The following C1QB variants were observed in gnomAD, a reference collection of about 807,000 sequenced individuals.
C1QB encodes the protein complement C1q subcomponent subunit B.
In C1QB, 2 loss-of-function variants were observed where a neutral mutation model predicts 4.6. That is an observed-to-expected ratio of 0.43 (90% CI 0.18 to 1.36). The LOEUF (loss-of-function observed/expected upper bound fraction) is 1.36, where lower values mean the gene tolerates loss of function less well. Among genes scored for constraint, C1QB ranks in the 40% most tolerant of loss-of-function variants. C1QB has a pLI of 0.28. For missense variants in C1QB, 292 were observed against 338.0 expected, an observed-to-expected ratio of 0.86 and a Z score of 1.07; for synonymous variants, 132 against 137.1, an observed-to-expected ratio of 0.96 and a Z score of 0.26.
At chr1:22,658,880 C>T (rs1245620022) in intron 1 of C1QB, among the ~76,000 whole-genome samples, 2 of 120,740 alleles carry the variant, frequency 1.7e-5, no homozygotes, top group African/African-American at 3.0e-5. Context: ...GATGGATGGA[C>T]AGCAGGATGG....
Position 22,661,252 on chromosome 1 carries a change from G to A in C1QB, c.622G>A (p.Gly208Ser), listed in dbSNP as rs778636058. Residue 208 changes from glycine (G) to serine (S), a missense_variant, in exon 3 of 3, where the codon GGT becomes AGT. Gly to Ser is a moderately conservative substitution (Grantham distance 56, BLOSUM62 0). Transcript: ENST00000509305. ...YAYNTFQVTTGGMVLKLEQGE... is the reference protein window; with the variant it reads ...YAYNTFQVTTSGMVLKLEQGE... ...CTACAACACCTTCCAGGTCACCACC[G>A]GTGGCATGGTCCTCAAGCTGGAGCA... The A allele has an allele frequency of 1.1e-5, 18 of 1,613,184 alleles. No homozygotes were observed. Among genetic ancestry groups the A allele is most frequent in the Non-Finnish European group, 1.4e-5 (16 of 1,179,376 alleles).
chr1:22,661,161 C>T lies in C1QB; in HGVS notation c.531C>T (p.Asn177=). The T allele has an allele frequency of 1.2e-6, 2 of 1,614,160 alleles. No homozygotes were observed. The highest frequency in any genetic ancestry group is 1.7e-6 in the Non-Finnish European group (2 of 1,180,020). The change falls in exon 3 of 3, where the codon AAC becomes AAT. Residue 177 remains asparagine (N), a synonymous_variant. Transcript: ENST00000509305. ...CCTACCACGCCAGCTCTCGAGGGAA[C>T]CTGTGCGTGAACCTCATGCGTGGCC... ...YFTYHASSRG[N]LCVNLMRGRE... is the part of the protein sequence containing the mutation.
chr1:22,655,128 T>C (rs1414072955), intron 1 of C1QB, among the ~76,000 whole-genome samples: 1 of 152,222 alleles, frequency 6.6e-6, no homozygotes, highest in African/African-American at 2.4e-5. Context: ...GATAATGGCA[T>C]GCAAGCCATC....
chr1:22,655,260 C>T (rs1170648228), intron 1 of C1QB, among the ~76,000 whole-genome samples: 2 of 152,318 alleles, frequency 1.3e-5, no homozygotes, highest in South Asian at 4.1e-4. Context: ...CAGGACCATG[C>T]CCCTGAGCCA....
chr1:22,659,357 T>C, intron 1 of C1QB, 83 bp from the exon 2 acceptor site: 1 of 1,076,710 alleles, frequency 9.3e-7, no homozygotes, highest in Non-Finnish European at 1.4e-6. Context: ...GATGGATGGA[T>C]GGATGGATGG....
chr1:22,659,199 A>G (rs866672822), intron 1 of C1QB, among the ~76,000 whole-genome samples: 74 of 77,692 alleles, frequency 9.5e-4, no homozygotes, highest in African/African-American at 1.3e-3. Context: ...TGGATGCAGG[A>G]ATGGAGGGAT....
At chr1:22,658,729 T>C (rs1333632839) in intron 1 of C1QB, among the ~76,000 whole-genome samples, 2 of 151,062 alleles carry the variant, frequency 1.3e-5, no homozygotes, top group African/African-American at 4.9e-5. Context: ...AATAGAGGGA[T>C]GGATGGATGA....
At chr1:22,660,283 A>C (rs1642601702) in intron 2 of C1QB, among the ~76,000 whole-genome samples, 1 of 152,170 alleles carries the variant, frequency 6.6e-6, no homozygotes, top group Non-Finnish European at 1.5e-5. Flanking sequence ...GTGACACGCA[A>C]AGCACATCTC....
At chr1:22,656,267 A>C (rs1359259517) in intron 1 of C1QB, among the ~76,000 whole-genome samples, 2 of 152,176 alleles carry the variant, frequency 1.3e-5, no homozygotes. Flanking sequence ...CCTGGGTATA[A>C]ACCCCAAAGA....
chr1:22,653,607 T>C (rs908067592), intron 1 of C1QB, among the ~76,000 whole-genome samples: 4 of 152,176 alleles, frequency 2.6e-5, no homozygotes, highest in African/African-American at 9.6e-5. Flanking sequence ...ATTGGTTATC[T>C]TGGGCAAGTC....
At chr1:22,655,106 C>G (rs940555034) in intron 1 of C1QB, among the ~76,000 whole-genome samples, 3 of 152,176 alleles carry the variant, frequency 2.0e-5, no homozygotes, top group Non-Finnish European at 4.4e-5. Context: ...GGCTGAATAT[C>G]AAATTACAGG....
intron 1 of C1QB, among the ~76,000 whole-genome samples, chr1:22,654,863 T>C (rs548139631): frequency 3.1e-4 from 47 of 152,378 alleles, no homozygotes; most frequent in African/African-American, 1.1e-3. Flanking sequence ...TGCCTACCAC[T>C]ACCCTTGGTG....
intron 2 of C1QB, among the ~76,000 whole-genome samples, chr1:22,660,603 G>A (rs1271132199): frequency 1.3e-5 from 2 of 152,062 alleles, no homozygotes; most frequent in East Asian, 1.9e-4. Context: ...CCCTCCCCAC[G>A]ATCAGCAGCC....
chr1:22,658,376 C>T (rs1478794651), intron 1 of C1QB, among the ~76,000 whole-genome samples: 1 of 152,178 alleles, frequency 6.6e-6, no homozygotes, highest in Non-Finnish European at 1.5e-5. Flanking sequence ...TCATCACTTC[C>T]AAGAGTGGCT....
intron 2 of C1QB, among the ~76,000 whole-genome samples, chr1:22,660,013 A>G (rs1486698415): frequency 6.6e-6 from 1 of 152,118 alleles, no homozygotes; most frequent in Non-Finnish European, 1.5e-5. Flanking sequence ...CACCTGTAAG[A>G]TGGGGGCAAT....
intron 1 of C1QB, among the ~76,000 whole-genome samples, chr1:22,655,987 C>CTA (rs757886004): frequency 1.3e-5 from 2 of 152,208 alleles, no homozygotes; most frequent in Non-Finnish European, 2.9e-5. Context: ...ACGGTGCAAA[C>CTA]TATGGATGGA....
In C1QB at chr1:22,659,436, A is replaced by G; in HGVS notation, c.-23-4A>G. On this transcript the variant is annotated splice_polypyrimidine_tract_variant and splice_region_variant and intron_variant, in intron 1 of 2. Coordinates refer to ENST00000509305, the MANE Select transcript of C1QB (RefSeq NM_001378156.1). ...GGTAACCTCTCACATTGTCTTCTCC[A>G]CAGGAGGCGTCTGACACAGTATGAT... is the stretch of plus-strand genomic sequence containing the variant. 6.2e-7 allele frequency: 1 copy of G among 1,613,740 alleles called. No homozygotes were observed. Among genetic ancestry groups the G allele is most frequent in the African/African-American group, 1.3e-5 (1 of 74,914 alleles).
chr1:22,661,583 G>A lies in C1QB; in HGVS notation c.*197G>A. On this transcript the variant is annotated 3_prime_UTR_variant, in exon 3 of 3. Coordinates refer to ENST00000509305, the MANE Select transcript of C1QB (RefSeq NM_001378156.1). ...TGTCCCAGCACCTGGCACACCAGAA[G>A]TGCCATGCTCAGAAATGTTGGTTAC... is the stretch of plus-strand genomic sequence containing the variant. 1 of 636,540 alleles carries A rather than the reference G, an allele frequency of 1.6e-6. No individual in the cohort carries two copies. Among genetic ancestry groups the A allele is most frequent in the South Asian group, 1.8e-5 (1 of 54,526 alleles). 39.4% of individuals were successfully genotyped at this position (636,540 alleles called of 1,614,324 possible). A position where few individuals can be genotyped will look rare whatever the true frequency, so the allele number is the denominator to read the frequency against.
intron 1 of C1QB, among the ~76,000 whole-genome samples, chr1:22,655,872 G>C (rs934321890): frequency 2.0e-5 from 3 of 152,194 alleles, no homozygotes; most frequent in Admixed American, 6.5e-5. Context: ...AGGTTTCCTG[G>C]AGGAAGAAGG....
Sources: gnomAD v4.1 joint callset for allele counts (sites outside exome capture counted in the v4.1 genomes callset) on GRCh38, gnomAD v4.1.1 for gene constraint, MANE v1.5 for transcripts, NCBI Gene and HGNC (gene_info 2026-07-23, HGNC 2026-07-21) for gene names.